The following NBAS variants were observed in gnomAD, a reference collection of about 807,000 sequenced individuals.
The protein encoded by NBAS is NAG/BC035112 fusion.
Under a neutral mutation model 302.5 loss-of-function variants are expected in NBAS, and 219 were observed. That is an observed-to-expected ratio of 0.72 (90% CI 0.65 to 0.81). NBAS has a LOEUF of 0.81. Ranked by LOEUF, NBAS falls within the 30% of genes least tolerant of loss-of-function variation. The pLI is 0.00. For synonymous variants in NBAS, 1,118 were observed against 1,021.6 expected, an observed-to-expected ratio of 1.09 and a Z score of -1.80; for missense variants, 2,932 against 2,841.6, an observed-to-expected ratio of 1.03 and a Z score of -0.72.
At chr2:15,197,055 T>A (rs1284209964) in intron 48 of NBAS, among the ~76,000 whole-genome samples, 2 of 152,142 alleles carry the variant, frequency 1.3e-5, no homozygotes, top group African/African-American at 2.4e-5. Flanking sequence ...TTCCCTGACT[T>A]CAACATAAAG....
intron 41 of NBAS, among the ~76,000 whole-genome samples, chr2:15,289,408 T>C (rs1289251034): frequency 6.6e-6 from 1 of 152,124 alleles, no homozygotes; most frequent in Non-Finnish European, 1.5e-5. Flanking sequence ...GGCCTAGAAA[T>C]TGTCTCTTGA....
In NBAS at chr2:15,490,116, T is replaced by C. The variant is rs147823557; in HGVS notation, c.955-1094A>G. Reference sequence around the variant, plus strand: ...CAGTATTGGGGTCAAATACTAGCTATAGAACTGAAAATGAAACATGACTAT... The same window carrying C: ...CAGTATTGGGGTCAAATACTAGCTACAGAACTGAAAATGAAACATGACTAT... On this transcript the variant is annotated intron_variant, in intron 11 of 51. Transcript: ENST00000281513. 4.7e-3 allele frequency among the ~76,000 whole-genome samples: 719 copies of C among 152,228 alleles called. 8 individuals are homozygous for C. The highest frequency in any genetic ancestry group is 0.016 in the African/African-American group (670 of 41,546).
At chr2:15,351,015 G>A (rs1673328240) in intron 35 of NBAS, among the ~76,000 whole-genome samples, 1 of 152,176 alleles carries the variant, frequency 6.6e-6, no homozygotes, top group Non-Finnish European at 1.5e-5. Context: ...GTTTGCCCAT[G>A]TACACTAGAG....
the NBAS span, among the ~76,000 whole-genome samples, chr2:15,148,628 C>T: frequency 6.6e-6 from 1 of 152,086 alleles, no homozygotes; most frequent in East Asian, 1.9e-4. Context: ...GAAGATTAAA[C>T]TTGTGAAAGA....
chr2:14,929,687 A>ATT, the NBAS span, among the ~76,000 whole-genome samples: 16,089 of 149,588 alleles, frequency 0.11, 926 homozygotes, highest in East Asian at 0.15. Flanking sequence ...CCAACAGTAA[A>ATT]TTTTTTTTTT....
At chr2:15,502,533 C>G (rs1464832375) in intron 11 of NBAS, among the ~76,000 whole-genome samples, 3 of 152,186 alleles carry the variant, frequency 2.0e-5, no homozygotes, top group Non-Finnish European at 4.4e-5. Context: ...GCTCAGCATG[C>G]TACTCTACTG....
chr2:15,167,392 G>C, intron 51 of NBAS, 69 bp from the exon 52 acceptor site: 3 of 1,567,268 alleles, frequency 1.9e-6, no homozygotes, highest in Non-Finnish European at 2.6e-6. Context: ...TGGATCCCTC[G>C]CTCTCCACTG....
At chr2:15,129,988 C>T in the NBAS span, among the ~76,000 whole-genome samples, 2 of 152,190 alleles carry the variant, frequency 1.3e-5, no homozygotes, top group Non-Finnish European at 2.9e-5. Context: ...TGATGTTGCG[C>T]AGCCCTCACA....
the NBAS span, among the ~76,000 whole-genome samples, chr2:15,062,971 C>T: frequency 2.0e-5 from 3 of 152,220 alleles, no homozygotes; most frequent in Non-Finnish European, 4.4e-5. Flanking sequence ...GTAGCCAACT[C>T]TGTGCCTGAC....
the NBAS span, among the ~76,000 whole-genome samples, chr2:14,864,398 C>G: frequency 6.6e-6 from 1 of 151,732 alleles, no homozygotes; most frequent in East Asian, 1.9e-4. Flanking sequence ...TCATACTATT[C>G]ATACTACCCA....
At chr2:14,945,836 T>C in the NBAS span, among the ~76,000 whole-genome samples, 1 of 152,222 alleles carries the variant, frequency 6.6e-6, no homozygotes, top group Non-Finnish European at 1.5e-5. Context: ...ATATTAGCAC[T>C]TTGGGAGGCC....
At chr2:14,976,243 T>C in the NBAS span, among the ~76,000 whole-genome samples, 2 of 152,166 alleles carry the variant, frequency 1.3e-5, no homozygotes, top group African/African-American at 4.8e-5. Flanking sequence ...AGAATAGTAG[T>C]CTGGTTGAGC....
intron 41 of NBAS, among the ~76,000 whole-genome samples, chr2:15,291,856 C>T (rs970910210): frequency 9.9e-5 from 15 of 151,712 alleles, no homozygotes; most frequent in African/African-American, 1.5e-4. Context: ...TCCCATTTTT[C>T]GCCCCTGATC....
At position 15,534,451 on chromosome 2, in the gene NBAS, A is replaced by C. The variant is rs1391115326; in HGVS notation, c.746+92T>G. The C allele has an allele frequency of 3.3e-6, 3 of 917,362 alleles. No homozygotes were observed. The East Asian group carries it at 7.2e-5, about 22-fold the overall frequency. The allele number at this position is 917,362 out of a possible 1,614,324, so 56.8% of individuals were successfully genotyped here. On this transcript the variant is annotated intron_variant, in intron 9 of 51. Transcript: ENST00000281513. ...CTACGCACAAGAGGAGGAAATTAAG[A>C]AGTCAACATAAGAATCAGAATAGTT...
chr2:15,078,329 G>C, the NBAS span, among the ~76,000 whole-genome samples: 8 of 152,112 alleles, frequency 5.3e-5, no homozygotes, highest in Non-Finnish European at 1.2e-4. Context: ...AACATAATGG[G>C]CATATCAATA....
chr2:15,346,701 A>C (rs1322068825), intron 35 of NBAS, among the ~76,000 whole-genome samples: 2 of 152,200 alleles, frequency 1.3e-5, no homozygotes, highest in Admixed American at 6.5e-5. Flanking sequence ...ACACATACAC[A>C]CATATGCTTA....
At chr2:15,450,199 T>C (rs1678941392) in intron 21 of NBAS, among the ~76,000 whole-genome samples, 1 of 152,142 alleles carries the variant, frequency 6.6e-6, no homozygotes, top group Admixed American at 6.5e-5. Flanking sequence ...TAAAAAGAGA[T>C]TCATCTTTGT....
intron 44 of NBAS, among the ~76,000 whole-genome samples, chr2:15,252,996 A>G (rs917534508): frequency 2.0e-5 from 3 of 152,228 alleles, no homozygotes; most frequent in Non-Finnish European, 4.4e-5. Context: ...CCTGAAGCAG[A>G]ACTTGAAGCA....
chr2:14,786,638 G>C, the NBAS span, among the ~76,000 whole-genome samples: 1 of 152,150 alleles, frequency 6.6e-6, no homozygotes, highest in African/African-American at 2.4e-5. Flanking sequence ...GGTTTTGAGT[G>C]AGTTTCTTAA....
Sources: gnomAD v4.1 joint callset for allele counts (sites outside exome capture counted in the v4.1 genomes callset) on GRCh38, gnomAD v4.1.1 for gene constraint, MANE v1.5 for transcripts, NCBI Gene and HGNC (gene_info 2026-07-23, HGNC 2026-07-21) for gene names.